LIN9: variants seen among roughly 807,000 people sequenced by gnomAD.
The protein encoded by LIN9 is lin-9 DREAM MuvB core complex component.
LIN9 carries 18 observed loss-of-function variants against 78.0 expected under a neutral mutation model. That is an observed-to-expected ratio of 0.23 (90% CI 0.16 to 0.34). LIN9 has a LOEUF of 0.34. Among genes scored for constraint, LIN9 ranks in the 10% least tolerant of loss-of-function variants. The pLI is 1.00. For synonymous variants in LIN9, 192 were observed against 215.2 expected (o/e 0.89, Z 0.94); for missense variants, 451 against 644.1 (o/e 0.70, Z 3.25).
intron 10 of LIN9, 26 bp from the exon 11 acceptor site, chr1:226,250,945 G>A: frequency 8.6e-7 from 1 of 1,160,548 alleles, no homozygotes. Context: ...AAATATTTTA[G>A]AATAAACAGA....
In LIN9 at chr1:226,274,060, T is replaced by G. The variant is rs185903810; in HGVS notation, c.682+3715A>C. ...ACCATGTTGGTCAGGCTGCAACTCCTGGCCTCAAGTGATCCACTTGCCTTG... is the reference window on the plus strand; with the variant it reads ...ACCATGTTGGTCAGGCTGCAACTCCGGGCCTCAAGTGATCCACTTGCCTTG... On this transcript the variant is annotated intron_variant, in intron 7 of 14. Transcript: ENST00000681046. 7.2e-5 allele frequency among the ~76,000 whole-genome samples: 11 copies of G among 152,224 alleles called. No individual in the cohort carries two copies. The East Asian group carries it at 1.2e-3, about 16-fold the overall frequency.
chr1:226,277,657 C>T (rs1660753082), intron 7 of LIN9, 118 bp downstream of exon 7: 4 of 902,492 alleles, frequency 4.4e-6, no homozygotes, highest in Non-Finnish European at 6.6e-6. Context: ...TTAACGATGT[C>T]TATTGTAAAT....
chr1:226,236,857 T>C (rs1657752358), intron 12 of LIN9, among the ~76,000 whole-genome samples: 1 of 152,212 alleles, frequency 6.6e-6, no homozygotes, highest in East Asian at 1.9e-4. Context: ...GCATTTCCAT[T>C]GTGTAATTAT....
At chr1:226,263,485 C>T (rs147935521) in intron 10 of LIN9, among the ~76,000 whole-genome samples, 5 of 151,920 alleles carry the variant, frequency 3.3e-5, no homozygotes, top group Admixed American at 6.6e-5. Context: ...TAACAAGGAT[C>T]GATAAAAATA....
At chr1:226,258,544 T>C (rs982662452) in intron 10 of LIN9, among the ~76,000 whole-genome samples, 78 of 150,400 alleles carry the variant, frequency 5.2e-4, no homozygotes, top group African/African-American at 1.8e-3. Flanking sequence ...GGAGCAGTTA[T>C]ATCAATTTCA....
chr1:226,272,901 C>A (rs1660396986), intron 7 of LIN9, among the ~76,000 whole-genome samples: 1 of 152,022 alleles, frequency 6.6e-6, no homozygotes, highest in African/African-American at 2.4e-5. Flanking sequence ...GCGATGGGTC[C>A]CTGGTCCCAC....
chr1:226,289,398 T>C (rs2102634093), intron 4 of LIN9, among the ~76,000 whole-genome samples: 1 of 152,306 alleles, frequency 6.6e-6, no homozygotes, highest in Admixed American at 6.5e-5. Flanking sequence ...TCTCTCTCTC[T>C]GTCACTTAGG....
At chr1:226,309,005 A>G (rs962944262) in intron 1 of LIN9, 104 bp downstream of exon 1, 41 of 1,170,198 alleles carry the variant, frequency 3.5e-5, no homozygotes, top group Non-Finnish European at 4.3e-5. Flanking sequence ...GCTGGCAGTC[A>G]GCCCACCTGC....
rs1481458056 is a variant in LIN9, at chr1:226,232,230, G to A, written c.*271C>T. The A allele has an allele frequency of 5.0e-6, 2 of 403,000 alleles. No individual in the cohort carries two copies. Among genetic ancestry groups the A allele is most frequent in the East Asian group, 7.1e-5 (2 of 28,218 alleles). The allele number at this position is 403,000 out of a possible 1,614,324, so 25.0% of individuals were successfully genotyped here. A position where few individuals can be genotyped will look rare whatever the true frequency, so the allele number is the denominator to read the frequency against. The stretch of plus-strand genomic sequence containing the variant: ...GTATTCTTCCACGAAATTATATTAT[G>A]TTCAGATATTTCAGTTTAAAAATAT... On this transcript the variant is annotated 3_prime_UTR_variant, in exon 15 of 15. Coordinates refer to ENST00000681046, the MANE Select transcript of LIN9 (RefSeq NM_001366245.2).
chr1:226,260,627 A>AGTTTTTTT (rs1659504054), intron 10 of LIN9, among the ~76,000 whole-genome samples: 1 of 70,804 alleles, frequency 1.4e-5, no homozygotes, highest in African/African-American at 5.9e-5. Context: ...CGGCCAAATG[A>AGTTTTTTT]GTTTTTTTTT....
intron 6 of LIN9, among the ~76,000 whole-genome samples, chr1:226,281,763 G>A (rs1312444971): frequency 4.1e-5 from 6 of 147,104 alleles, no homozygotes; most frequent in Non-Finnish European, 7.5e-5. Flanking sequence ...GTGTGATCTC[G>A]GCTCACTGCA....
At chr1:226,298,504 G>C (rs1436903339) in intron 2 of LIN9, among the ~76,000 whole-genome samples, 1 of 152,236 alleles carries the variant, frequency 6.6e-6, no homozygotes, top group African/African-American at 2.4e-5. Context: ...CACCAGGCCA[G>C]CCTGTATTTA....
chr1:226,285,849 C>T (rs996292466), intron 6 of LIN9, among the ~76,000 whole-genome samples: 2 of 152,082 alleles, frequency 1.3e-5, no homozygotes, highest in Non-Finnish European at 2.9e-5. Flanking sequence ...CTTTTTAGGA[C>T]ATTCTTAAAT....
chr1:226,241,377 C>G (rs1365279728), intron 11 of LIN9, among the ~76,000 whole-genome samples: 2 of 152,102 alleles, frequency 1.3e-5, no homozygotes, highest in Non-Finnish European at 2.9e-5. Flanking sequence ...TTTGCAGACT[C>G]AGAACTAGTT....
Position 226,233,372 on chromosome 1 carries a change from C to T in LIN9, c.1397G>A (p.Arg466Lys). 1 of 1,612,266 alleles carries T rather than the reference C, an allele frequency of 6.2e-7. No individual in the cohort carries two copies. The highest frequency in any genetic ancestry group is 1.1e-5 in the South Asian group (1 of 90,592). ...ENENLTDLIS[R>K]LTAILLQIKC... is the part of the protein sequence containing the mutation. ...AATTTGTAACAAAATAGCTGTAAGC[C>T]TGGAAATTAAGTCTGTCAGATTTTC... The change falls in exon 13 of 15, where the codon AGG becomes AAG. Residue 466 changes from arginine (R) to lysine (K), a missense_variant. Physicochemically the swap from Arg to Lys is conservative, Grantham distance 26. Coordinates refer to ENST00000681046, the MANE Select transcript of LIN9 (RefSeq NM_001366245.2).
upstream of LIN9, chr1:226,309,403 A>T (rs1663154636): frequency 3.0e-6 from 3 of 991,774 alleles, no homozygotes; most frequent in South Asian, 8.8e-5. Flanking sequence ...AGGAGGCCGC[A>T]CGGCGAGGCC....
intron 2 of LIN9, 80 bp from the exon 3 acceptor site, chr1:226,297,893 C>T: frequency 1.7e-6 from 1 of 577,622 alleles, no homozygotes; most frequent in Middle Eastern, 3.9e-4. Context: ...TTTTTCATAA[C>T]AGCCATATAT....
chr1:226,262,731 TCTTATATAA>T (rs970569403), intron 10 of LIN9, among the ~76,000 whole-genome samples: 22 of 152,206 alleles, frequency 1.4e-4, no homozygotes, highest in African/African-American at 5.1e-4. Context: ...CTTGTCAGTT[TCTTATATAA>T]CTAAGCATAC....
At chr1:226,268,542 G>A (rs1249212579) in intron 7 of LIN9, among the ~76,000 whole-genome samples, 1 of 152,148 alleles carries the variant, frequency 6.6e-6, no homozygotes, top group Non-Finnish European at 1.5e-5. Context: ...CTGGTATCTG[G>A]GAACTTGGAT....
Sources: allele counts gnomAD v4.1 joint callset (sites outside exome capture counted in the v4.1 genomes callset), GRCh38; gene constraint gnomAD v4.1.1; transcripts MANE v1.5; gene names NCBI Gene and HGNC (gene_info 2026-07-23, HGNC 2026-07-21).